SNTG2: variants seen among roughly 807,000 people sequenced by gnomAD.
The protein encoded by SNTG2 is gamma-2-syntrophin.
Under a neutral mutation model 70.9 loss-of-function variants are expected in SNTG2, and 74 were observed. The observed-to-expected ratio is 1.04, with a 90% CI of 0.86 to 1.27. The LOEUF (loss-of-function observed/expected upper bound fraction) is 1.27. Ranked by LOEUF, SNTG2 falls within the 50% of genes most tolerant of loss-of-function variation. The probability of loss-of-function intolerance (pLI) is 0.00; values close to 1 mark genes in which losing one functional copy is unlikely to be tolerated. For synonymous variants in SNTG2, 278 were observed against 273.8 expected, an observed-to-expected ratio of 1.02 and a Z score of -0.15; for missense variants, 717 against 690.7, an observed-to-expected ratio of 1.04 and a Z score of -0.43.
intron 1 of SNTG2, among the ~76,000 whole-genome samples, chr2:972,173 G>T (rs567710411): frequency 6.6e-6 from 1 of 152,256 alleles, no homozygotes; most frequent in African/African-American, 2.4e-5. Flanking sequence ...CAAATACTAA[G>T]TTCTGGTCCC....
intron 14 of SNTG2, among the ~76,000 whole-genome samples, chr2:1,294,822 C>T (rs937187882): frequency 2.6e-5 from 4 of 152,186 alleles, no homozygotes; most frequent in Admixed American, 6.5e-5. Flanking sequence ...TGAGTGTCAT[C>T]GTTTGCTTTA....
At chr2:1,181,447 C>T (rs1028952911) in intron 8 of SNTG2, among the ~76,000 whole-genome samples, 4 of 152,134 alleles carry the variant, frequency 2.6e-5, no homozygotes, top group African/African-American at 9.7e-5. Context: ...TTTCATCCTC[C>T]CAGGGCCAGG....
chr2:1,007,120 C>T (rs1327662219), intron 1 of SNTG2, among the ~76,000 whole-genome samples: 1 of 152,006 alleles, frequency 6.6e-6, no homozygotes, highest in African/African-American at 2.4e-5. Context: ...AAATACTGCA[C>T]CATTTTATAT....
intron 6 of SNTG2, among the ~76,000 whole-genome samples, chr2:1,140,629 C>A (rs954291717): frequency 1.3e-5 from 2 of 152,256 alleles, no homozygotes; most frequent in African/African-American, 4.8e-5. Flanking sequence ...CCTGGCAGGG[C>A]CACAGCGAGG....
chr2:1,346,292 G>A (rs1342623844), intron 16 of SNTG2: 5 of 152,442 alleles, frequency 3.3e-5, no homozygotes, highest in Admixed American at 3.3e-4. Flanking sequence ...CCTGGCGCTG[G>A]AACTCCTGAG....
At chr2:1,034,386 GTT>G (rs1661014559) in intron 1 of SNTG2, among the ~76,000 whole-genome samples, 1 of 152,148 alleles carries the variant, frequency 6.6e-6, no homozygotes, top group African/African-American at 2.4e-5. Context: ...CCATGTCTTT[GTT>G]ATTGTGAATA....
intron 16 of SNTG2, among the ~76,000 whole-genome samples, chr2:1,321,120 G>T (rs1037640471): frequency 6.6e-6 from 1 of 152,146 alleles, no homozygotes; most frequent in East Asian, 1.9e-4. Context: ...TGTTCCTATT[G>T]TCAGGAAAAT....
At chr2:1,025,101 G>A (rs1000431982) in intron 1 of SNTG2, among the ~76,000 whole-genome samples, 1 of 152,234 alleles carries the variant, frequency 6.6e-6, no homozygotes, top group Non-Finnish European at 1.5e-5. Flanking sequence ...CTGAAGGGAT[G>A]TTGTAGAGCT....
chr2:1,223,954 T>G (rs1406151006), intron 9 of SNTG2, among the ~76,000 whole-genome samples: 1 of 152,052 alleles, frequency 6.6e-6, no homozygotes, highest in African/African-American at 2.4e-5. Flanking sequence ...TGGGTGGCCT[T>G]ATGCAGCAGG....
At chr2:1,063,874 A>G (rs1027691511) in intron 1 of SNTG2, among the ~76,000 whole-genome samples, 2 of 152,330 alleles carry the variant, frequency 1.3e-5, no homozygotes, top group South Asian at 4.1e-4. Flanking sequence ...GGATATTTGA[A>G]CATACAATGG....
chr2:1,170,369 A>G (rs1671046307), intron 7 of SNTG2, among the ~76,000 whole-genome samples: 1 of 152,140 alleles, frequency 6.6e-6, no homozygotes, highest in Non-Finnish European at 1.5e-5. Context: ...ACCCTGTGCC[A>G]GTTAGTCAGC....
At chr2:952,507 C>T (rs1456224559) in intron 1 of SNTG2, among the ~76,000 whole-genome samples, 1 of 152,218 alleles carries the variant, frequency 6.6e-6, no homozygotes, top group African/African-American at 2.4e-5. Context: ...AAATGCTCTC[C>T]TTTGCGCTCA....
chr2:1,102,200 C>T (rs1206610619), intron 4 of SNTG2, among the ~76,000 whole-genome samples: 5 of 152,040 alleles, frequency 3.3e-5, no homozygotes, highest in Non-Finnish European at 7.4e-5. Context: ...GGGGAGAGGG[C>T]GCTGTTTTTT....
In SNTG2 at chr2:1,053,676, C is replaced by T. The variant is rs78523756; in HGVS notation, c.73-29842C>T. ...TCGTCCTCTCCACATCATCATTTCC[C>T]ACCTCATTTGTGTGATGCAGTTAGG... On this transcript the variant is annotated intron_variant, in intron 1 of 16. Transcript: ENST00000308624. 5.2e-3 allele frequency among the ~76,000 whole-genome samples: 791 copies of T among 152,254 alleles called. 4 individuals carry two copies. Among genetic ancestry groups the T allele is most frequent in the African/African-American group, 0.016 (666 of 41,540 alleles).
chr2:1,105,849 C>T (rs1286940253), intron 4 of SNTG2, among the ~76,000 whole-genome samples: 1 of 152,206 alleles, frequency 6.6e-6, no homozygotes, highest in Non-Finnish European at 1.5e-5. Flanking sequence ...CAGGATGGCA[C>T]CCCAAGTCTC....
chr2:977,123 G>A (rs1407202255), intron 1 of SNTG2, among the ~76,000 whole-genome samples: 1 of 152,220 alleles, frequency 6.6e-6, no homozygotes, highest in South Asian at 2.1e-4. Flanking sequence ...GTTCTTCTCT[G>A]AAGAAAAGAG....
rs144033591 is a variant in SNTG2, at chr2:1,353,036, G to A, written c.1489-14307G>A. On this transcript the variant is annotated intron_variant, in intron 16 of 16. Coordinates refer to ENST00000308624, the MANE Select transcript of SNTG2 (RefSeq NM_018968.4). The surrounding 1 kb of genome is among the most constrained non-coding windows in gnomAD (Gnocchi z 4.2). Reference sequence around the variant, plus strand: ...CCTCCCGGCTGCACAGTTGCCCAGCGTGTTCCTGTGCTGTGTCTGGCTCAC... The same window carrying A: ...CCTCCCGGCTGCACAGTTGCCCAGCATGTTCCTGTGCTGTGTCTGGCTCAC... 2.4e-4 allele frequency among the ~76,000 whole-genome samples: 37 copies of A among 152,210 alleles called. No individual in the cohort carries two copies. In the East Asian group the frequency reaches 5.2e-3, roughly 21 times the overall value.
intron 14 of SNTG2, among the ~76,000 whole-genome samples, chr2:1,297,203 C>G (rs1386619295): frequency 2.0e-5 from 3 of 152,368 alleles, no homozygotes; most frequent in Admixed American, 6.5e-5. Flanking sequence ...CCTTGTGTAT[C>G]TGCAAGTGAG....
intron 1 of SNTG2, among the ~76,000 whole-genome samples, chr2:1,015,630 C>G (rs6548172): frequency 0.13 from 20,121 of 152,230 alleles, 1,423 homozygotes; most frequent in Middle Eastern, 0.22. Flanking sequence ...AAATTTCCAT[C>G]AATGGGGATG....
Sources: allele counts gnomAD v4.1 joint callset (sites outside exome capture counted in the v4.1 genomes callset), GRCh38; gene constraint gnomAD v4.1.1; non-coding constraint Gnocchi (gnomAD v3.1); transcripts MANE v1.5; gene names NCBI Gene and HGNC (gene_info 2026-07-23, HGNC 2026-07-21).